Variants in WWOX observed in about 807,000 individuals in gnomAD.
The protein encoded by WWOX is WW domain-containing oxidoreductase.
Under a neutral mutation model 46.2 loss-of-function variants are expected in WWOX, and 69 were observed. The observed-to-expected ratio is 1.49, with a 90% CI of 1.23 to 1.82. The LOEUF (loss-of-function observed/expected upper bound fraction) is 1.82, where lower values mean the gene tolerates loss of function less well. Among genes scored for constraint, WWOX ranks in the 40% most tolerant of loss-of-function variants. WWOX has a pLI of 0.00. For synonymous variants in WWOX, 359 were observed against 202.6 expected (o/e 1.77, Z -6.56); for missense variants, 919 against 542.6 (o/e 1.69, Z -6.89).
chr16:79,138,661 C>T (rs1312616839), intron 8 of WWOX, among the ~76,000 whole-genome samples: 1 of 152,188 alleles, frequency 6.6e-6, no homozygotes, highest in Non-Finnish European at 1.5e-5. Context: ...CCTCCATGTA[C>T]AGCCATGATC....
At chr16:78,443,746 G>T (rs184171145) in intron 8 of WWOX, among the ~76,000 whole-genome samples, 38 of 152,258 alleles carry the variant, frequency 2.5e-4, no homozygotes, top group Non-Finnish European at 3.8e-4. Context: ...TGGCATTTTG[G>T]TAATGTGCTG....
intron 8 of WWOX, among the ~76,000 whole-genome samples, chr16:78,902,797 G>T (rs575131055): frequency 3.9e-5 from 6 of 152,150 alleles, no homozygotes; most frequent in African/African-American, 1.4e-4. Context: ...GCTTTCCTCT[G>T]CCCTGTCCTC....
intron 8 of WWOX, among the ~76,000 whole-genome samples, chr16:79,187,786 C>G (rs1375167480): frequency 6.6e-6 from 1 of 152,260 alleles, no homozygotes; most frequent in African/African-American, 2.4e-5. Flanking sequence ...AAGCAATGCA[C>G]TGGCCTTGGC....
rs112441686 is a variant in WWOX, at chr16:78,281,240, C to T, written c.517-105620C>T. ...ATCTCACTCACTATGGTGAAGACAG[C>T]GCCAAGCCATGAGGGCTCCGCCCCA... On this transcript the variant is annotated intron_variant, in intron 5 of 8. Coordinates refer to ENST00000566780, the MANE Select transcript of WWOX (RefSeq NM_016373.4). Among the ~76,000 whole-genome samples, 734 of 152,314 alleles carry T rather than the reference C, an allele frequency of 4.8e-3. 3 individuals are homozygous for T. The highest frequency in any genetic ancestry group is 7.9e-3 in the Non-Finnish European group (535 of 68,030).
At chr16:79,105,660 G>GTT (rs1221027113) in intron 8 of WWOX, among the ~76,000 whole-genome samples, 21 of 138,874 alleles carry the variant, frequency 1.5e-4, no homozygotes, top group African/African-American at 4.1e-4. Flanking sequence ...ATGTCTTTTT[G>GTT]TTTTTTTTTT....
chr16:78,556,261 T>TAA (rs879764844), intron 8 of WWOX, among the ~76,000 whole-genome samples: 20 of 126,912 alleles, frequency 1.6e-4, no homozygotes, highest in Non-Finnish European at 1.9e-4. Flanking sequence ...CCTCCTCCTC[T>TAA]AAAAAAAAAA....
chr16:78,321,370 A>G (rs866914310), intron 5 of WWOX, among the ~76,000 whole-genome samples: 1 of 61,184 alleles, frequency 1.6e-5, no homozygotes, highest in Non-Finnish European at 3.2e-5. Context: ...GTATATATAT[A>G]CGTATATATG....
At chr16:78,264,971 CTCCCT>C (rs1190267273) in intron 5 of WWOX, 6 of 140,702 alleles carry the variant, frequency 4.3e-5, no homozygotes, top group Non-Finnish European at 9.2e-5. Context: ...CTCCCCTCCC[CTCCCT>C]TCCCTTCCCT....
intron 8 of WWOX, among the ~76,000 whole-genome samples, chr16:78,534,096 A>C (rs2043698113): frequency 6.6e-6 from 1 of 152,214 alleles, no homozygotes; most frequent in Non-Finnish European, 1.5e-5. Flanking sequence ...AGAATCATTG[A>C]ATCCCTGAGT....
intron 8 of WWOX, among the ~76,000 whole-genome samples, chr16:78,798,802 C>G (rs1019367981): frequency 6.6e-6 from 1 of 152,134 alleles, no homozygotes; most frequent in Non-Finnish European, 1.5e-5. Context: ...GGACACTGGT[C>G]TATTGAGAGA....
intron 8 of WWOX, among the ~76,000 whole-genome samples, chr16:78,619,583 A>G (rs2046126215): frequency 6.6e-6 from 1 of 151,894 alleles, no homozygotes; most frequent in East Asian, 2.0e-4. Flanking sequence ...TAAATACAGA[A>G]GTAAATGGAG....
chr16:78,744,607 T>C (rs546816846), intron 8 of WWOX, among the ~76,000 whole-genome samples: 1 of 151,988 alleles, frequency 6.6e-6, no homozygotes, highest in East Asian at 1.9e-4. Context: ...AATTTTTGTA[T>C]TTTTAGTAGA....
intron 8 of WWOX, among the ~76,000 whole-genome samples, chr16:79,185,616 G>C (rs1337133121): frequency 1.3e-5 from 2 of 152,142 alleles, no homozygotes; most frequent in Non-Finnish European, 2.9e-5. Context: ...CACGGCTTGG[G>C]TTGTCAGGAT....
chr16:78,369,649 T>A (rs1416430566), intron 5 of WWOX, among the ~76,000 whole-genome samples: 6 of 151,348 alleles, frequency 4.0e-5, no homozygotes, highest in African/African-American at 1.5e-4. Flanking sequence ...CTGTTATCCA[T>A]CCTATTGTGG....
chr16:78,321,749 G>A (rs375688716), intron 5 of WWOX, among the ~76,000 whole-genome samples: 24 of 152,256 alleles, frequency 1.6e-4, no homozygotes, highest in Middle Eastern at 3.4e-3. Context: ...GGTGCCTGGC[G>A]TCAGCACACA....
At chr16:78,721,041 A>G (rs772561785) in intron 8 of WWOX, among the ~76,000 whole-genome samples, 28 of 152,062 alleles carry the variant, frequency 1.8e-4, no homozygotes, top group Non-Finnish European at 2.8e-4. Flanking sequence ...CATTCTTATT[A>G]GTCTATAAGA....
chr16:78,776,613 A>G (rs1173042651), intron 8 of WWOX, among the ~76,000 whole-genome samples: 1 of 152,166 alleles, frequency 6.6e-6, no homozygotes, highest in Non-Finnish European at 1.5e-5. Context: ...AGCTCACTTT[A>G]TTAGTCTGGT....
chr16:78,858,046 T>G (rs971264093), intron 8 of WWOX, among the ~76,000 whole-genome samples: 5 of 152,116 alleles, frequency 3.3e-5, no homozygotes, highest in African/African-American at 1.2e-4. Flanking sequence ...AAAGAGGTAT[T>G]TGAGTTACAG....
chr16:78,875,133 C>T (rs549476581), intron 8 of WWOX, among the ~76,000 whole-genome samples: 15 of 152,326 alleles, frequency 9.8e-5, no homozygotes, highest in African/African-American at 3.6e-4. Flanking sequence ...GGCTGACTCT[C>T]TACTTCATGG....
Sources: allele counts gnomAD v4.1 joint callset (sites outside exome capture counted in the v4.1 genomes callset), GRCh38; gene constraint gnomAD v4.1.1; transcripts MANE v1.5; gene names NCBI Gene and HGNC (gene_info 2026-07-23, HGNC 2026-07-21).